The following CUBN variants were observed in gnomAD, a reference collection of about 807,000 sequenced individuals.
CUBN encodes the protein cubilin, also known as 460 kDa receptor.
Under a neutral mutation model 405.3 loss-of-function variants are expected in CUBN, and 282 were observed. That is an observed-to-expected ratio of 0.70 (90% CI 0.63 to 0.77). The LOEUF (loss-of-function observed/expected upper bound fraction) is 0.77, where lower values mean the gene tolerates loss of function less well. Ranked by LOEUF, CUBN falls within the 30% of genes least tolerant of loss-of-function variation. The pLI is 0.00. For missense variants in CUBN, 4,514 were observed against 4,475.2 expected (o/e 1.01, Z -0.25); for synonymous variants, 1,684 against 1,617.0 (o/e 1.04, Z -0.99).
rs7900190 is a variant in CUBN, at chr10:17,116,639, A to T, written c.594-1042T>A. ...AGACACAGTGAGGTACAAGGAGCTT[A>T]GTAATGTTCATGGATGACAATGTAT... On this transcript the variant is annotated intron_variant, in intron 6 of 66. Transcript: ENST00000377833. Among the ~76,000 whole-genome samples the T allele has an allele frequency of 2.9e-3, 442 of 152,202 alleles. 1 individual carries two copies. Among genetic ancestry groups the T allele is most frequent in the Non-Finnish European group, 3.7e-3 (254 of 68,010 alleles).
chr10:16,850,836 T>A (rs571266167), intron 60 of CUBN, among the ~76,000 whole-genome samples: 1 of 152,356 alleles, frequency 6.6e-6, no homozygotes, highest in African/African-American at 2.4e-5. Context: ...GATAAGCAAA[T>A]CTATAAGCCT....
At chr10:17,079,325 T>C (rs1835921045) in intron 17 of CUBN, among the ~76,000 whole-genome samples, 1 of 146,088 alleles carries the variant, frequency 6.8e-6, no homozygotes, top group Middle Eastern at 3.3e-3. Flanking sequence ...AACCTCCACC[T>C]CTTGGATTCA....
intron 12 of CUBN, 85 bp from the exon 13 acceptor site, chr10:17,103,322 T>C (rs539747596): frequency 1.2e-6 from 1 of 833,722 alleles, no homozygotes; most frequent in Non-Finnish European, 2.1e-6. Context: ...CTGATAAACT[T>C]AGAGAAAATT....
At chr10:16,891,924 C>G (rs12098783) in intron 54 of CUBN, among the ~76,000 whole-genome samples, 21,432 of 152,110 alleles carry the variant, frequency 0.14, 4,876 homozygotes, top group African/African-American at 0.48. Flanking sequence ...TATCAACAGA[C>G]AACTATCTCA....
chr10:16,878,865 G>A (rs1056415900), intron 56 of CUBN, among the ~76,000 whole-genome samples: 4 of 152,184 alleles, frequency 2.6e-5, no homozygotes, highest in African/African-American at 9.7e-5. Flanking sequence ...ATGTTTTTGA[G>A]TCCATCCATG....
In CUBN at chr10:17,114,009, G is replaced by T; in HGVS notation, c.883+18C>A. On this transcript the variant is annotated intron_variant, in intron 8 of 66. Coordinates refer to ENST00000377833, the MANE Select transcript of CUBN (RefSeq NM_001081.4). Reference sequence around the variant, plus strand: ...CAACCTGGCATGCAGAGCCTGGCTTGTGGCCCTGAGAATGTACCTGTTGGA... The same window carrying T: ...CAACCTGGCATGCAGAGCCTGGCTTTTGGCCCTGAGAATGTACCTGTTGGA... 1 of 1,610,208 alleles carries T rather than the reference G, an allele frequency of 6.2e-7. No individual in the cohort carries two copies. The highest frequency in any genetic ancestry group is 8.5e-7 in the Non-Finnish European group (1 of 1,178,192).
chr10:17,073,136 T>C (rs1835777334), intron 17 of CUBN, among the ~76,000 whole-genome samples: 1 of 152,094 alleles, frequency 6.6e-6, no homozygotes. Context: ...CCAACATAGA[T>C]TATAGAAATA....
chr10:16,877,784 A>G (rs943472000), intron 56 of CUBN, among the ~76,000 whole-genome samples: 24 of 152,178 alleles, frequency 1.6e-4, no homozygotes, highest in African/African-American at 5.8e-4. Context: ...AAAGAAAAAT[A>G]TAAAACAAAA....
intron 55 of CUBN, among the ~76,000 whole-genome samples, chr10:16,889,891 T>C (rs1840941466): frequency 7.4e-6 from 1 of 135,110 alleles, no homozygotes; most frequent in Non-Finnish European, 1.5e-5. Context: ...GAGCCGAGAT[T>C]GCACCACTGC....
chr10:16,892,835 A>C (rs1002945194), intron 54 of CUBN, among the ~76,000 whole-genome samples: 2 of 152,186 alleles, frequency 1.3e-5, no homozygotes, highest in African/African-American at 4.8e-5. Flanking sequence ...CAGGCAAAGT[A>C]AGAAGGGCTA....
At chr10:17,070,427 T>A (rs373288185) in intron 19 of CUBN, among the ~76,000 whole-genome samples, 1 of 152,212 alleles carries the variant, frequency 6.6e-6, no homozygotes, top group East Asian at 1.9e-4. Flanking sequence ...TTTATGGGGA[T>A]TGAATTGAAT....
In CUBN at chr10:16,840,888, C is replaced by T. The variant is rs1564379839; in HGVS notation, c.9823G>A (p.Asp3275Asn). Residue 3275 changes from aspartate to asparagine, a missense_variant, in exon 61 of 67, where the codon GAC becomes AAC. Physicochemically the swap from Asp to Asn is conservative, Grantham distance 23 (BLOSUM62 1). This residue lies in a region of CUBN where 1,186 missense variants were observed against 1,186.9 expected (regional missense o/e 1.00). Coordinates refer to ENST00000377833, the MANE Select transcript of CUBN (RefSeq NM_001081.4). ...EGFNATYTIMDMPCGGTYNAT... is the reference protein window; with the variant it reads ...EGFNATYTIMNMPCGGTYNAT... ...AAAAATGCTTCTATTTACTCACTGT[C>T]CATGATGGTGTATGTAGCATTAAAT... The T allele has an allele frequency of 6.2e-7, 1 of 1,610,012 alleles. No individual in the cohort carries two copies. Among genetic ancestry groups the T allele is most frequent in the South Asian group, 1.1e-5 (1 of 90,946 alleles).
intron 40 of CUBN, 149 bp from the exon 41 acceptor site, chr10:16,928,452 CA>C (rs1564428810): frequency 1.6e-5 from 13 of 823,032 alleles, no homozygotes; most frequent in Non-Finnish European, 2.4e-5. Flanking sequence ...AAGGACCCCT[CA>C]GGGGTGATAT....
Position 16,829,017 on chromosome 10 carries a change from C to A in CUBN, c.10552G>T (p.Asp3518Tyr), listed in dbSNP as rs1397612304. ...PSGCGGTLYG[D>Y]RGSFTSPGYP... Reference sequence around the variant, plus strand: ...CCGGGGCTGGTGAATGAGCCTCTGTCTCCATAAAGAGTTCCACCACATCCT... The same window carrying A: ...CCGGGGCTGGTGAATGAGCCTCTGTATCCATAAAGAGTTCCACCACATCCT... The change falls in exon 66 of 67, where the codon GAC (aspartate) becomes TAC (tyrosine). Residue 3518 changes from aspartate (D) to tyrosine (Y), a missense_variant. Asp to Tyr is a radical substitution (Grantham distance 160). Around this residue, in one of 5 missense-constraint regions of CUBN, gnomAD observed 1,186 missense variants for 1,186.9 expected, o/e 1.00. Transcript: ENST00000377833. The A allele has an allele frequency of 6.2e-7, 1 of 1,613,894 alleles. No individual in the cohort carries two copies.
chr10:17,084,546 CCACACACA>C, intron 16 of CUBN, 85 bp from the exon 17 acceptor site: 1 of 914,910 alleles, frequency 1.1e-6, no homozygotes, highest in East Asian at 2.6e-5. Flanking sequence ...AAAAATTTAC[CCACACACA>C]CACACACACA....
At position 17,047,581 on chromosome 10, in the gene CUBN, A is replaced by G. The variant is rs1328250981; in HGVS notation, c.3162T>C (p.Asp1054=). ...TTGGAGAAGTGAATGTCCCCAAATCATCTGTGTAGTCTTGCAAACATGCTG... is the reference window on the plus strand; with the variant it reads ...TTGGAGAAGTGAATGTCCCCAAATCGTCTGTGTAGTCTTGCAAACATGCTG... ...AATACLQDYT[D]DLGTFTSPNF... Residue 1054 remains aspartate, a synonymous_variant, in exon 23 of 67, where the codon GAT becomes GAC. Transcript: ENST00000377833. The G allele has an allele frequency of 3.7e-6, 6 of 1,613,974 alleles. No homozygotes were observed. In the African/African-American group the frequency reaches 6.7e-5, roughly 18 times the overall value.
rs750868111 is a variant in CUBN at position 16,984,323 on chromosome 10, G to A, written c.4351-44C>T. The A allele has an allele frequency of 2.6e-6, 4 of 1,565,770 alleles. No homozygotes were observed. The African/African-American group carries it at 5.4e-5, about 21-fold the overall frequency. On this transcript the variant is annotated intron_variant, in intron 29 of 66. Transcript: ENST00000377833. Reference sequence around the variant, plus strand: ...AAAAAGACTTTAAAAAATATTTTAAGCAATTACAGGCCCTTGCTCTGGCTC... The same window carrying A: ...AAAAAGACTTTAAAAAATATTTTAAACAATTACAGGCCCTTGCTCTGGCTC...
intron 56 of CUBN, among the ~76,000 whole-genome samples, chr10:16,887,403 A>G (rs1840852170): frequency 6.6e-6 from 1 of 152,354 alleles, no homozygotes; most frequent in Middle Eastern, 3.4e-3. Flanking sequence ...ATGAAATTTT[A>G]ATCACGTTTA....
chr10:17,006,706 A>C (rs769147741), intron 28 of CUBN, among the ~76,000 whole-genome samples: 4 of 152,202 alleles, frequency 2.6e-5, no homozygotes, highest in Non-Finnish European at 4.4e-5. Context: ...GCCCACAGGT[A>C]GTCAAGAAGG....
Sources: gnomAD v4.1 joint callset for allele counts (sites outside exome capture counted in the v4.1 genomes callset) on GRCh38, gnomAD v4.1.1 for gene constraint, gnomAD v4.1.1 regional missense constraint, MANE v1.5 for transcripts, NCBI Gene and HGNC (gene_info 2026-07-23, HGNC 2026-07-21) for gene names.